APBB2: variants seen among roughly 807,000 people sequenced by gnomAD.
APBB2 encodes Fe65-like 1.
APBB2 carries 38 observed loss-of-function variants against 82.5 expected under a neutral mutation model. That is an observed-to-expected ratio of 0.46 (90% confidence interval 0.36 to 0.60). The LOEUF is 0.60. Among genes scored for constraint, APBB2 ranks in the 20% least tolerant of loss-of-function variants. APBB2 has a pLI of 0.00. For missense variants in APBB2, 772 were observed against 972.3 expected (o/e 0.79, Z 2.74); for synonymous variants, 341 against 368.2 (o/e 0.93, Z 0.85).
rs1745229046 is a variant in APBB2 at position 40,814,990 on chromosome 4, T to TGG, written c.*1100_*1101dup. The TGG allele has an allele frequency of 6.6e-6, 1 of 152,320 alleles. No individual in the cohort carries two copies. Among genetic ancestry groups the TGG allele is most frequent in the Admixed American group, 6.5e-5 (1 of 15,274 alleles). 9.4% of individuals were successfully genotyped at this position (152,320 alleles called of 1,614,324 possible). A position where few individuals can be genotyped will look rare whatever the true frequency, so the allele number is the denominator to read the frequency against. On this transcript the variant is annotated 3_prime_UTR_variant, in exon 18 of 18. Transcript: ENST00000508593. ...TTCAACCTAATGTAATTTGTTGCCATGGACAATACATGATGGACAGACAGC... is the reference window on the plus strand; with the variant it reads ...TTCAACCTAATGTAATTTGTTGCCATGGGGACAATACATGATGGACAGACAGC...
At chr4:40,948,138 C>T (rs1483799174) in intron 6 of APBB2, among the ~76,000 whole-genome samples, 1 of 152,092 alleles carries the variant, frequency 6.6e-6, no homozygotes, top group Non-Finnish European at 1.5e-5. Flanking sequence ...GGGCTGGAGA[C>T]CAAGAAATCT....
chr4:41,171,911 A>G (rs1434049090), intron 1 of APBB2, among the ~76,000 whole-genome samples: 1 of 152,196 alleles, frequency 6.6e-6, no homozygotes, highest in Non-Finnish European at 1.5e-5. Flanking sequence ...AGCCTGGCCA[A>G]TATGGTGAAA....
At chr4:41,161,120 A>T (rs1461479413) in intron 1 of APBB2, among the ~76,000 whole-genome samples, 1 of 150,060 alleles carries the variant, frequency 6.7e-6, no homozygotes, top group African/African-American at 2.5e-5. Flanking sequence ...CACCAACTCA[A>T]ACTGACAGCA....
chr4:40,885,924 C>T (rs1286949824), intron 12 of APBB2, among the ~76,000 whole-genome samples: 2 of 152,006 alleles, frequency 1.3e-5, no homozygotes, highest in Non-Finnish European at 2.9e-5. Flanking sequence ...TCCCAAGTGA[C>T]TATAGAATCT....
At chr4:40,981,761 T>C (rs1798533334) in intron 6 of APBB2, among the ~76,000 whole-genome samples, 1 of 152,210 alleles carries the variant, frequency 6.6e-6, no homozygotes, top group Admixed American at 6.5e-5. Context: ...TTGGGGGCTA[T>C]GCTTCTCCTA....
intron 6 of APBB2, among the ~76,000 whole-genome samples, chr4:40,990,998 T>G (rs558547125): frequency 6.8e-6 from 1 of 147,660 alleles, no homozygotes; most frequent in African/African-American, 2.5e-5. Context: ...CTGGTCATTT[T>G]GGACTGAGTT....
chr4:40,862,206 A>G (rs746888570), intron 12 of APBB2, among the ~76,000 whole-genome samples: 1 of 152,258 alleles, frequency 6.6e-6, no homozygotes, highest in Admixed American at 6.5e-5. Flanking sequence ...TTAAACAAGA[A>G]AGTCACAGGA....
intron 6 of APBB2, among the ~76,000 whole-genome samples, chr4:40,993,346 T>G (rs1802673583): frequency 6.7e-6 from 1 of 149,416 alleles, no homozygotes; most frequent in Admixed American, 6.7e-5. Context: ...CAGGAGCAAT[T>G]AAGAACTCTT....
rs187341758 is a variant in APBB2 at position 40,991,599 on chromosome 4, T to C, written c.835+21984A>G. Among the ~76,000 whole-genome samples, 198 of 152,226 alleles carry C rather than the reference T, an allele frequency of 1.3e-3. 1 individual carries two copies. Among genetic ancestry groups the C allele is most frequent in the African/African-American group, 4.5e-3 (186 of 41,538 alleles). ...TTCCTCCTGCTTTTATCCCTGTGTC[T>C]GAAGTGAGGTCATTTTTGTTTGTTT... On this transcript the variant is annotated intron_variant, in intron 6 of 17. Coordinates refer to ENST00000508593, the MANE Select transcript of APBB2 (RefSeq NM_004307.2).
intron 6 of APBB2, among the ~76,000 whole-genome samples, chr4:40,999,337 A>G (rs1804511004): frequency 6.6e-6 from 1 of 152,168 alleles, no homozygotes; most frequent in Non-Finnish European, 1.5e-5. Context: ...CCAGCTACTC[A>G]GGAAATGAAG....
chr4:40,957,067 C>G (rs1241562280), intron 6 of APBB2, among the ~76,000 whole-genome samples: 1 of 152,218 alleles, frequency 6.6e-6, no homozygotes, highest in African/African-American at 2.4e-5. Context: ...AATGACCCAT[C>G]TGCTCTTTGT....
chr4:40,932,508 C>T (rs1578537696), intron 10 of APBB2, among the ~76,000 whole-genome samples: 1 of 152,118 alleles, frequency 6.6e-6, no homozygotes, highest in East Asian at 1.9e-4. Flanking sequence ...AGGTTTTGAA[C>T]CTGTATGGTG....
At chr4:41,066,074 A>G (rs1351036396) in intron 3 of APBB2, among the ~76,000 whole-genome samples, 2 of 109,752 alleles carry the variant, frequency 1.8e-5, no homozygotes, top group Non-Finnish European at 4.4e-5. Flanking sequence ...ATAAAACTTT[A>G]AAAGCTTGAA....
chr4:41,086,218 C>T (rs1438904504), intron 3 of APBB2, among the ~76,000 whole-genome samples: 1 of 152,122 alleles, frequency 6.6e-6, no homozygotes, highest in Non-Finnish European at 1.5e-5. Flanking sequence ...GAGTAGACAG[C>T]TTCACAGCCG....
At chr4:40,959,742 A>T (rs1284190149) in intron 6 of APBB2, among the ~76,000 whole-genome samples, 1 of 152,228 alleles carries the variant, frequency 6.6e-6, no homozygotes. Flanking sequence ...TAGAATGAAT[A>T]TTATATTATA....
At chr4:41,019,518 C>A (rs544889044) in intron 5 of APBB2, among the ~76,000 whole-genome samples, 1 of 152,208 alleles carries the variant, frequency 6.6e-6, no homozygotes, top group East Asian at 1.9e-4. Flanking sequence ...AGGAAACAGT[C>A]TAGGGGTATG....
chr4:41,112,186 A>T (rs1473935821), intron 2 of APBB2, among the ~76,000 whole-genome samples: 1 of 152,240 alleles, frequency 6.6e-6, no homozygotes, highest in South Asian at 2.1e-4. Context: ...AGAGATCATT[A>T]GGAAAAGGCA....
chr4:41,009,620 A>C (rs1807758748), intron 6 of APBB2, among the ~76,000 whole-genome samples: 3 of 152,216 alleles, frequency 2.0e-5, no homozygotes. Flanking sequence ...CCCAAAGTGC[A>C]GTCTACGATC....
At position 41,100,674 on chromosome 4, in the gene APBB2, A is replaced by T. The variant is rs1320355342; in HGVS notation, c.-184T>A. 1 of 152,190 alleles carries T rather than the reference A, an allele frequency of 6.6e-6. No individual in the cohort carries two copies. The highest frequency in any genetic ancestry group is 2.4e-5 in the African/African-American group (1 of 41,456). 9.4% of individuals were successfully genotyped at this position (152,190 alleles called of 1,614,324 possible). A position where few individuals can be genotyped will look rare whatever the true frequency, so the allele number is the denominator to read the frequency against. ...TCTTTGGTACAAAGCTCAGAAGGCA[A>T]GCTCCTTTTTTTCCCCACAAAGTCT... is the stretch of plus-strand genomic sequence containing the variant. On this transcript the variant is annotated 5_prime_UTR_variant, in exon 3 of 18. In the 5' UTR this introduces an upstream ATG that the reference lacks. Coordinates refer to ENST00000508593, the MANE Select transcript of APBB2 (RefSeq NM_004307.2).
Sources: gnomAD v4.1 joint callset for allele counts (sites outside exome capture counted in the v4.1 genomes callset) on GRCh38, gnomAD v4.1.1 for gene constraint, MANE v1.5 for transcripts, NCBI Gene and HGNC (gene_info 2026-07-23, HGNC 2026-07-21) for gene names.